The following FANCA variants were observed in gnomAD, a reference collection of about 807,000 sequenced individuals.
FANCA encodes the protein Fanconi anemia group A protein.
FANCA carries 236 observed loss-of-function variants against 194.3 expected under a neutral mutation model. That is an observed-to-expected ratio of 1.21 (90% CI 1.09 to 1.35). The LOEUF is 1.35. Among genes scored for constraint, FANCA ranks in the 40% most tolerant of loss-of-function variants. The pLI, the probability that FANCA is intolerant of heterozygous loss-of-function variation, is 0.00. For synonymous variants in FANCA, 1,014 were observed against 715.8 expected, an observed-to-expected ratio of 1.42 and a Z score of -6.65; for missense variants, 2,628 against 1,813.9, an observed-to-expected ratio of 1.45 and a Z score of -8.15.
intron 14 of FANCA, among the ~76,000 whole-genome samples, chr16:89,789,858 T>C (rs1428473047): frequency 6.6e-6 from 1 of 152,110 alleles, no homozygotes; most frequent in Non-Finnish European, 1.5e-5. Flanking sequence ...ACTCCCCACA[T>C]GAACTGGGGG....
chr16:89,749,584 G>C, intron 32 of FANCA, 146 bp downstream of exon 32: 1 of 1,034,884 alleles, frequency 9.7e-7, no homozygotes, highest in Non-Finnish European at 1.5e-6. Flanking sequence ...CGTGGCATGT[G>C]CCACAGAAAT....
intron 14 of FANCA, among the ~76,000 whole-genome samples, chr16:89,789,349 C>T (rs1170034267): frequency 1.3e-5 from 2 of 151,748 alleles, no homozygotes; most frequent in Admixed American, 6.6e-5. Context: ...GATGCAGGCA[C>T]CGCAGCCCTT....
chr16:89,776,927 G>A (rs1246307260), intron 20 of FANCA, among the ~76,000 whole-genome samples: 1 of 152,084 alleles, frequency 6.6e-6, no homozygotes, highest in African/African-American at 2.4e-5. Flanking sequence ...ATGATAAAGG[G>A]TAAGCCAGGT....
intron 37 of FANCA, among the ~76,000 whole-genome samples, chr16:89,741,709 T>C (rs1022116506): frequency 2.0e-5 from 3 of 152,160 alleles, no homozygotes; most frequent in East Asian, 1.9e-4. Flanking sequence ...CCTTTCCCTA[T>C]GCCTATGGCT....
At chr16:89,761,895 G>T in intron 29 of FANCA, 54 bp downstream of exon 29, 2 of 1,424,962 alleles carry the variant, frequency 1.4e-6, no homozygotes, top group Admixed American at 3.3e-5. Context: ...AAAGTGCTGG[G>T]ATTATAGGTG....
chr16:89,749,463 G>A (rs921071306), intron 32 of FANCA, among the ~76,000 whole-genome samples: 6 of 152,200 alleles, frequency 3.9e-5, no homozygotes, highest in Non-Finnish European at 7.3e-5. Flanking sequence ...CTGACCTCAG[G>A]TGATCCACTC....
At position 89,748,708 on chromosome 16, in the gene FANCA, G is replaced by A; in HGVS notation, c.3299C>T (p.Pro1100Leu). 1.9e-6 allele frequency: 3 copies of A among 1,614,122 alleles called. No individual in the cohort carries two copies. Among genetic ancestry groups the A allele is most frequent in the Non-Finnish European group, 1.7e-6 (2 of 1,180,036 alleles). Reference sequence around the variant, plus strand: ...GAACTGCTCGCATCTGGCAGTGATGGGCTGTTCTGCCTGGAAGCTGCTGCC... The same window carrying A: ...GAACTGCTCGCATCTGGCAGTGATGAGCTGTTCTGCCTGGAAGCTGCTGCC... ...LCGSSFQAEQ[P>L]ITARCEQFFH... The change falls in exon 33 of 43, where the codon CCC (proline) becomes CTC (leucine). Residue 1100 changes from proline to leucine, a missense_variant. Transcript: ENST00000389301.
At chr16:89,801,989 G>A (rs1316989222) in intron 8 of FANCA, among the ~76,000 whole-genome samples, 3 of 152,134 alleles carry the variant, frequency 2.0e-5, no homozygotes, top group Admixed American at 2.0e-4. Flanking sequence ...GCCAGCTGAA[G>A]AGACATCTGT....
chr16:89,754,017 G>A (rs1286519789), intron 30 of FANCA, among the ~76,000 whole-genome samples: 1 of 152,150 alleles, frequency 6.6e-6, no homozygotes, highest in Non-Finnish European at 1.5e-5. Context: ...TAGTGCCACT[G>A]TACTCCAGCC....
At chr16:89,786,430 G>A (rs2039901159) in intron 14 of FANCA, among the ~76,000 whole-genome samples, 1 of 152,096 alleles carries the variant, frequency 6.6e-6, no homozygotes, top group Non-Finnish European at 1.5e-5. Flanking sequence ...TGATACCTTG[G>A]CCTCCCAAAG....
At position 89,814,537 on chromosome 16, in the gene FANCA, T is replaced by TGATTAGCA; in HGVS notation, c.258_265dup (p.His89LeufsTer9). On this transcript the variant is annotated frameshift_variant, in exon 3 of 43. Coordinates refer to ENST00000389301, the MANE Select transcript of FANCA (RefSeq NM_000135.4). LOFTEE classifies it high-confidence loss of function. ...TAACTTACCTATAAATGAACTAGAA[T>TGATTAGCA]GATTAGCATAGGCCTCAGAACTGTC... 2 of 1,612,748 alleles carry TGATTAGCA rather than the reference T, an allele frequency of 1.2e-6. No individual in the cohort carries two copies.
At chr16:89,744,552 A>G (rs1598066380) in intron 36 of FANCA, 2 of 331,388 alleles carry the variant, frequency 6.0e-6, no homozygotes, top group African/African-American at 4.3e-5. Flanking sequence ...CTAGGAGCCC[A>G]CATTAGATTT....
At chr16:89,782,813 G>A in intron 17 of FANCA, 46 bp downstream of exon 17, 3 of 1,528,246 alleles carry the variant, frequency 2.0e-6, no homozygotes, top group Non-Finnish European at 2.7e-6. Context: ...ACCTTTGCAT[G>A]GTGGGCGTGA....
chr16:89,783,012 G>A lies in FANCA; in HGVS notation c.1561C>T (p.Leu521Phe), dbSNP rs768419751. Residue 521 changes from leucine to phenylalanine, a missense_variant, in exon 16 of 43, where the codon CTC becomes TTC. Coordinates refer to ENST00000389301, the MANE Select transcript of FANCA (RefSeq NM_000135.4). Reference sequence around the variant, plus strand: ...GGCATGGAGGGACAGCTTGCCTTGAGGTCGGCCAGCCGTGTCTTGGCCAAT... The same window carrying A: ...GGCATGGAGGGACAGCTTGCCTTGAAGTCGGCCAGCCGTGTCTTGGCCAAT... ...ISLAKTRLAD[L>F]KVSIENMGLY... 11 of 1,614,008 alleles carry A rather than the reference G, an allele frequency of 6.8e-6. No individual in the cohort carries two copies. In the South Asian group the frequency reaches 9.9e-5, roughly 14 times the overall value.
At position 89,738,370 on chromosome 16, in the gene FANCA, G is replaced by A. The variant is rs190762834; in HGVS notation, c.*231C>T. 19 of 1,446,798 alleles carry A rather than the reference G, an allele frequency of 1.3e-5. No homozygotes were observed. The East Asian group carries it at 2.0e-4, about 15-fold the overall frequency. 89.6% of individuals were successfully genotyped at this position (1,446,798 alleles called of 1,614,324 possible). On this transcript the variant is annotated 3_prime_UTR_variant, in exon 43 of 43. Transcript: ENST00000389301. ...GCTGCCCGCCCTTGGTGCTGGAGGCGGGCTTGGTGTCCGGCTCAAGTAGCC... is the reference window on the plus strand; with the variant it reads ...GCTGCCCGCCCTTGGTGCTGGAGGCAGGCTTGGTGTCCGGCTCAAGTAGCC...
chr16:89,761,592 G>A (rs1800730497), intron 29 of FANCA, among the ~76,000 whole-genome samples: 2 of 151,890 alleles, frequency 1.3e-5, no homozygotes. Flanking sequence ...TAGGCTTTAA[G>A]GCAATGTGGA....
chr16:89,812,282 G>A (rs932363697), intron 3 of FANCA, among the ~76,000 whole-genome samples: 17 of 150,618 alleles, frequency 1.1e-4, no homozygotes, highest in Non-Finnish European at 1.9e-4. Flanking sequence ...AGTTTGCAGT[G>A]AGCCGAGATC....
rs781401861 is a variant in FANCA, at chr16:89,810,965, C to A, written c.390G>T (p.Glu130Asp). The change falls in exon 4 of 43, where the codon GAG (glutamate) becomes GAT (aspartate). Residue 130 changes from glutamate to aspartate, a missense_variant. Coordinates refer to ENST00000389301, the MANE Select transcript of FANCA (RefSeq NM_000135.4). ...SVGQICTAPA[E>D]TSHPVLLTVE... ...CAGTCAGCAGCACAGGGTGACTGGT[C>A]TCCGCTGGAGCCGTGCAGATCTGTC... 6.2e-7 allele frequency: 1 copy of A among 1,614,118 alleles called. No individual in the cohort carries two copies. The highest frequency in any genetic ancestry group is 1.7e-5 in the Admixed American group (1 of 60,020).
chr16:89,765,781 C>A (rs746309182), intron 27 of FANCA, among the ~76,000 whole-genome samples: 2 of 152,230 alleles, frequency 1.3e-5, no homozygotes, highest in African/African-American at 2.4e-5. Flanking sequence ...ACCACGCTGC[C>A]CTCTCCTAAG....
Sources: allele counts gnomAD v4.1 joint callset (sites outside exome capture counted in the v4.1 genomes callset), GRCh38; gene constraint gnomAD v4.1.1; transcripts MANE v1.5; gene names NCBI Gene and HGNC (gene_info 2026-07-23, HGNC 2026-07-21).